WNT7A: variants seen among roughly 807,000 people sequenced by gnomAD.
WNT7A encodes the protein protein Wnt-7a.
Under a neutral mutation model 28.2 loss-of-function variants are expected in WNT7A, and 16 were observed. That is an observed-to-expected ratio of 0.57 (90% CI 0.38 to 0.86). WNT7A has a LOEUF of 0.86. WNT7A is among the 40% of genes least tolerant of loss of function. The pLI, the probability that WNT7A is intolerant of heterozygous loss-of-function variation, is 0.00. For synonymous variants in WNT7A, 190 were observed against 195.9 expected (o/e 0.97, Z 0.25); for missense variants, 411 against 489.7 (o/e 0.84, Z 1.52).
At chr3:13,849,583 G>A (rs996883059) in intron 3 of WNT7A, among the ~76,000 whole-genome samples, 6 of 152,146 alleles carry the variant, frequency 3.9e-5, no homozygotes, top group African/African-American at 9.7e-5. Flanking sequence ...ACTACCCTGT[G>A]GTGCTGACCC....
At chr3:13,835,237 T>C (rs536824506) in intron 3 of WNT7A, among the ~76,000 whole-genome samples, 3 of 152,076 alleles carry the variant, frequency 2.0e-5, no homozygotes, top group Non-Finnish European at 2.9e-5. Context: ...TGGAATGGCA[T>C]TGGAGAAGCT....
intron 1 of WNT7A, among the ~76,000 whole-genome samples, chr3:13,878,904 C>T (rs973791906): frequency 3.3e-5 from 5 of 152,190 alleles, no homozygotes; most frequent in Non-Finnish European, 7.3e-5. Flanking sequence ...CAGGACGCGT[C>T]CCGAGCTGCC....
intron 2 of WNT7A, among the ~76,000 whole-genome samples, chr3:13,856,933 A>AAGAAGAAGG (rs1694748479): frequency 8.8e-6 from 1 of 113,466 alleles, no homozygotes; most frequent in Non-Finnish European, 1.7e-5. Flanking sequence ...GAAGAAGAAG[A>AAGAAGAAGG]AGAAGAAGAA....
rs185080928 is a variant in WNT7A, at chr3:13,872,854, G to A, written c.298+2093C>T. 2.3e-3 allele frequency among the ~76,000 whole-genome samples: 350 copies of A among 152,250 alleles called. 1 individual carries two copies. Among genetic ancestry groups the A allele is most frequent in the African/African-American group, 7.9e-3 (327 of 41,542 alleles). Reference sequence around the variant, plus strand: ...ACTGTTCTGAGACTGAAAATTATACGGGAATGAACCCAGTCCTGAGAGGCC... The same window carrying A: ...ACTGTTCTGAGACTGAAAATTATACAGGAATGAACCCAGTCCTGAGAGGCC... On this transcript the variant is annotated intron_variant, in intron 2 of 3. Coordinates refer to ENST00000285018, the MANE Select transcript of WNT7A (RefSeq NM_004625.4).
At chr3:13,861,680 T>C (rs984937877) in intron 2 of WNT7A, among the ~76,000 whole-genome samples, 3 of 151,938 alleles carry the variant, frequency 2.0e-5, no homozygotes, top group Non-Finnish European at 4.4e-5. Context: ...CGGGAGCAGG[T>C]GAGCCAGGGC....
chr3:13,840,668 C>T (rs1694443167), intron 3 of WNT7A, among the ~76,000 whole-genome samples: 1 of 152,058 alleles, frequency 6.6e-6, no homozygotes, highest in African/African-American at 2.4e-5. Flanking sequence ...ACCCAAACAT[C>T]CATCCAACCA....
At chr3:13,842,460 G>T (rs1222653894) in intron 3 of WNT7A, among the ~76,000 whole-genome samples, 1 of 152,138 alleles carries the variant, frequency 6.6e-6, no homozygotes, top group African/African-American at 2.4e-5. Flanking sequence ...GCAATGTCAG[G>T]GAAGAGATGC....
intron 3 of WNT7A, among the ~76,000 whole-genome samples, chr3:13,832,471 TTCC>T (rs1694297592): frequency 7.8e-6 from 1 of 128,208 alleles, no homozygotes; most frequent in African/African-American, 3.0e-5. Flanking sequence ...TCTCCTGCTC[TTCC>T]TCCTCCTCCC....
At chr3:13,838,408 C>T (rs75938082) in intron 3 of WNT7A, among the ~76,000 whole-genome samples, 3,537 of 152,334 alleles carry the variant, frequency 0.023, 136 homozygotes, top group African/African-American at 0.081. Context: ...AAGACTCCCA[C>T]AGCAGAGGAA....
At chr3:13,835,661 C>A (rs1694355759) in intron 3 of WNT7A, among the ~76,000 whole-genome samples, 1 of 152,196 alleles carries the variant, frequency 6.6e-6, no homozygotes, top group Non-Finnish European at 1.5e-5. Context: ...AGGGATGGGA[C>A]CTCCCCACGA....
rs1029657797 is a variant in WNT7A, at chr3:13,817,994, T to C, written c.*950A>G. 16 of 152,200 alleles carry C rather than the reference T, an allele frequency of 1.1e-4. No homozygotes were observed. The highest frequency in any genetic ancestry group is 3.9e-4 in the African/African-American group (16 of 41,458). The allele number at this position is 152,200 out of a possible 1,614,324, so 9.4% of individuals were successfully genotyped here. A position where few individuals can be genotyped will look rare whatever the true frequency, so the allele number is the denominator to read the frequency against. ...CAAACAGAACTCAAGAATCCAGCTG[T>C]GCAAGGGGCCCCATGGGGCCTGACG... On this transcript the variant is annotated 3_prime_UTR_variant, in exon 4 of 4. Coordinates refer to ENST00000285018, the MANE Select transcript of WNT7A (RefSeq NM_004625.4).
chr3:13,870,442 G>A (rs1695012222), intron 2 of WNT7A, among the ~76,000 whole-genome samples: 1 of 152,128 alleles, frequency 6.6e-6, no homozygotes, highest in African/African-American at 2.4e-5. Context: ...TTCTGAAACT[G>A]GACAATTCAT....
At chr3:13,863,132 A>G (rs1333733822) in intron 2 of WNT7A, among the ~76,000 whole-genome samples, 1 of 152,172 alleles carries the variant, frequency 6.6e-6, no homozygotes, top group Non-Finnish European at 1.5e-5. Flanking sequence ...CTCAGCCCGC[A>G]CTTGGTAAGG....
At chr3:13,826,511 C>G (rs1238624643) in intron 3 of WNT7A, among the ~76,000 whole-genome samples, 3 of 152,106 alleles carry the variant, frequency 2.0e-5, no homozygotes, top group Non-Finnish European at 4.4e-5. Flanking sequence ...AAAGAGGGAG[C>G]AGGCTTAAGG....
intron 3 of WNT7A, among the ~76,000 whole-genome samples, chr3:13,830,677 C>T (rs1694267861): frequency 6.6e-6 from 1 of 152,156 alleles, no homozygotes; most frequent in African/African-American, 2.4e-5. Context: ...GACTGTCTCC[C>T]TCTGCCTAGA....
At position 13,818,439 on chromosome 3, in the gene WNT7A, T is replaced by C. The variant is rs1313563576; in HGVS notation, c.*505A>G. 4 of 147,222 alleles carry C rather than the reference T, an allele frequency of 2.7e-5. No individual in the cohort carries two copies. The highest frequency in any genetic ancestry group is 1.0e-4 in the African/African-American group (4 of 39,520). 9.1% of individuals were successfully genotyped at this position (147,222 alleles called of 1,614,324 possible). A position where few individuals can be genotyped will look rare whatever the true frequency, so the allele number is the denominator to read the frequency against. ...TACTTAAACATCTAGTGCTGCAAGG[T>C]GGGTACCTGCAAAATCAGCTAGTAG... On this transcript the variant is annotated 3_prime_UTR_variant, in exon 4 of 4. Transcript: ENST00000285018.
chr3:13,840,205 G>A (rs923299594), intron 3 of WNT7A, among the ~76,000 whole-genome samples: 1 of 152,118 alleles, frequency 6.6e-6, no homozygotes, highest in African/African-American at 2.4e-5. Flanking sequence ...TTCTCCAGGA[G>A]GCCTCTCCTG....
intron 3 of WNT7A, among the ~76,000 whole-genome samples, chr3:13,852,157 A>C (rs1165470648): frequency 6.6e-6 from 1 of 152,174 alleles, no homozygotes; most frequent in Non-Finnish European, 1.5e-5. Context: ...CCTTCAGCCC[A>C]GGGGCAGCCC....
intron 3 of WNT7A, among the ~76,000 whole-genome samples, chr3:13,847,399 A>G (rs571779625): frequency 1.3e-5 from 2 of 152,312 alleles, no homozygotes; most frequent in Admixed American, 6.5e-5. Context: ...CCCTAGGTGC[A>G]GCTCTTGTTT....
Sources: allele counts gnomAD v4.1 joint callset (sites outside exome capture counted in the v4.1 genomes callset), GRCh38; gene constraint gnomAD v4.1.1; transcripts MANE v1.5; gene names NCBI Gene and HGNC (gene_info 2026-07-23, HGNC 2026-07-21).